DPP6: variants seen among roughly 807,000 people sequenced by gnomAD.
DPP6 encodes A-type potassium channel modulatory protein DPP6.
DPP6 carries 69 observed loss-of-function variants against 122.6 expected under a neutral mutation model. The ratio of observed to expected loss-of-function variants is 0.56; its 90% CI spans 0.46 to 0.69. DPP6 has a LOEUF of 0.69. Among genes scored for constraint, DPP6 ranks in the 30% least tolerant of loss-of-function variants. DPP6 has a pLI of 0.00. For missense variants in DPP6, 928 were observed against 1,116.9 expected, an observed-to-expected ratio of 0.83 and a Z score of 2.41; for synonymous variants, 418 against 433.1, an observed-to-expected ratio of 0.97 and a Z score of 0.43.
chr7:153,976,860 G>T (rs1333071012), intron 1 of DPP6, among the ~76,000 whole-genome samples: 2 of 152,186 alleles, frequency 1.3e-5, no homozygotes, highest in Admixed American at 6.5e-5. Context: ...GGACATCGGG[G>T]CTGCCACTGG....
chr7:154,575,442 G>GTGTGTATGTGTGTGTGATA (rs1831558089), intron 5 of DPP6, among the ~76,000 whole-genome samples: 1 of 104,746 alleles, frequency 9.5e-6, no homozygotes, highest in Non-Finnish European at 1.8e-5. Flanking sequence ...TATGTGTGTG[G>GTGTGTATGTGTGTGTGATA]TGTGTGTATG....
At chr7:153,925,936 G>A (rs1451965897) in intron 1 of DPP6, among the ~76,000 whole-genome samples, 2 of 152,178 alleles carry the variant, frequency 1.3e-5, no homozygotes, top group African/African-American at 4.8e-5. Flanking sequence ...GCATGAGGAG[G>A]GTGAGGGTGA....
rs186357577 is a variant in DPP6, at chr7:154,352,593, C to T, written c.244-93621C>T. On this transcript the variant is annotated intron_variant, in intron 1 of 25. Coordinates refer to ENST00000377770, the MANE Select transcript of DPP6 (RefSeq NM_130797.4). ...AACAGGAACAGAAAACCAAAGACTA[C>T]ATGTTCTCACTCATAAGTGAAAGTT... Among the ~76,000 whole-genome samples, 284 of 152,002 alleles carry T rather than the reference C, an allele frequency of 1.9e-3. 6 individuals carry two copies. The highest frequency in any genetic ancestry group is 0.018 in the Admixed American group (282 of 15,272).
chr7:154,840,514 G>A (rs1801437134), intron 16 of DPP6, among the ~76,000 whole-genome samples: 1 of 152,176 alleles, frequency 6.6e-6, no homozygotes, highest in Non-Finnish European at 1.5e-5. Context: ...ATGAAAAGGA[G>A]CCTGAGTTTC....
intron 1 of DPP6, among the ~76,000 whole-genome samples, chr7:154,059,987 C>G (rs10256479): frequency 6.6e-6 from 1 of 150,878 alleles, no homozygotes; most frequent in Non-Finnish European, 1.5e-5. Context: ...CCTCTTCCCC[C>G]CTGGCTGTTG....
the DPP6 span, among the ~76,000 whole-genome samples, chr7:153,879,172 G>A: frequency 0.6 from 91,194 of 151,702 alleles, 27,754 homozygotes; most frequent in Middle Eastern, 0.68. Context: ...CACTGGAGAA[G>A]GGAAAAAAGT....
At chr7:153,772,070 T>C in the DPP6 span, among the ~76,000 whole-genome samples, 6 of 152,282 alleles carry the variant, frequency 3.9e-5, no homozygotes, top group Middle Eastern at 6.8e-3. Context: ...GCATACATTG[T>C]TGTGATCCTT....
chr7:154,861,840 G>A (rs988783242), intron 17 of DPP6, among the ~76,000 whole-genome samples: 10 of 152,068 alleles, frequency 6.6e-5, no homozygotes, highest in Non-Finnish European at 1.3e-4. Context: ...TTTGGTGGTC[G>A]CTTCTTTTTG....
At chr7:154,803,986 T>A (rs1368483178) in intron 14 of DPP6, 31 bp downstream of exon 14, 4 of 1,607,946 alleles carry the variant, frequency 2.5e-6, no homozygotes, top group Non-Finnish European at 3.4e-6. Context: ...TGCCCCATCT[T>A]ACTGGCCAAT....
chr7:154,036,363 C>A (rs1382104601), intron 1 of DPP6, among the ~76,000 whole-genome samples: 2 of 148,040 alleles, frequency 1.4e-5, no homozygotes, highest in African/African-American at 2.5e-5. Context: ...TCAGGTGATC[C>A]GCCCACCTCA....
chr7:154,651,590 T>C (rs1241094614), intron 6 of DPP6, among the ~76,000 whole-genome samples: 4 of 152,120 alleles, frequency 2.6e-5, no homozygotes, highest in African/African-American at 9.7e-5. Context: ...GCCCTAATTG[T>C]GTCAGGTATT....
the DPP6 span, among the ~76,000 whole-genome samples, chr7:153,859,569 G>A: frequency 6.6e-6 from 1 of 152,184 alleles, no homozygotes; most frequent in Non-Finnish European, 1.5e-5. Context: ...CTTTGCCAGA[G>A]CAACTAGTGT....
At chr7:154,351,000 T>C (rs902119410) in intron 1 of DPP6, among the ~76,000 whole-genome samples, 3 of 152,170 alleles carry the variant, frequency 2.0e-5, no homozygotes, top group Non-Finnish European at 2.9e-5. Flanking sequence ...CCCATTGGAC[T>C]GTAGGTTCTG....
chr7:153,857,622 C>T, the DPP6 span, among the ~76,000 whole-genome samples: 42 of 152,096 alleles, frequency 2.8e-4, no homozygotes, highest in Admixed American at 1.3e-3. Context: ...ATGCCAGCTG[C>T]CACTGTTCAT....
intron 1 of DPP6, among the ~76,000 whole-genome samples, chr7:154,367,618 A>C (rs942167230): frequency 1.3e-5 from 2 of 152,178 alleles, no homozygotes; most frequent in Non-Finnish European, 2.9e-5. Flanking sequence ...TTTCTCCAAA[A>C]TTATTACTAG....
chr7:154,204,045 A>G (rs1459449185), intron 1 of DPP6, among the ~76,000 whole-genome samples: 1 of 152,248 alleles, frequency 6.6e-6, no homozygotes, highest in East Asian at 1.9e-4. Flanking sequence ...CCGATTTTCC[A>G]TAGCAATCCT....
At chr7:153,753,753 C>T in the DPP6 span, among the ~76,000 whole-genome samples, 19 of 152,224 alleles carry the variant, frequency 1.2e-4, no homozygotes, top group South Asian at 1.7e-3. Context: ...ACTCAACTAA[C>T]GAAATCCCTT....
chr7:154,422,931 C>T (rs959833314), intron 1 of DPP6, among the ~76,000 whole-genome samples: 2 of 152,104 alleles, frequency 1.3e-5, no homozygotes, highest in Admixed American at 6.6e-5. Context: ...GTTCAATGTG[C>T]TTGGTTTTAA....
chr7:153,891,142 C>T (rs1799181998), intron 1 of DPP6, among the ~76,000 whole-genome samples: 1 of 150,590 alleles, frequency 6.6e-6, no homozygotes, highest in African/African-American at 2.4e-5. Context: ...CTGCCTCAGC[C>T]TCCCCAGTAG....
Sources: allele counts gnomAD v4.1 joint callset (sites outside exome capture counted in the v4.1 genomes callset), GRCh38; gene constraint gnomAD v4.1.1; transcripts MANE v1.5; gene names NCBI Gene and HGNC (gene_info 2026-07-23, HGNC 2026-07-21).